Variants in MYO3B observed in about 807,000 individuals in gnomAD.
MYO3B encodes myosin-IIIb.
MYO3B carries 156 observed loss-of-function variants against 174.6 expected under a neutral mutation model. The ratio of observed to expected loss-of-function variants is 0.89; its 90% CI spans 0.78 to 1.02. MYO3B has a LOEUF of 1.02. Ranked by LOEUF, MYO3B falls within the 50% of genes least tolerant of loss-of-function variation. The pLI is 0.00. For synonymous variants in MYO3B, 563 were observed against 569.1 expected (o/e 0.99, Z 0.15); for missense variants, 1,632 against 1,639.4 (o/e 1.00, Z 0.08).
chr2:170,433,109 T>C (rs990945521), intron 22 of MYO3B, among the ~76,000 whole-genome samples: 4 of 152,196 alleles, frequency 2.6e-5, no homozygotes, highest in Admixed American at 6.5e-5. Context: ...TTTTTACATT[T>C]TATACCATAT....
In MYO3B at chr2:170,526,083, G is replaced by A. The variant is rs115310507; in HGVS notation, c.3575+6543G>A. Reference sequence around the variant, plus strand: ...AGATGTGGTAAACACTGTATGTATTGTCTCATTTGGGTAGAAAAATGATGA... The same window carrying A: ...AGATGTGGTAAACACTGTATGTATTATCTCATTTGGGTAGAAAAATGATGA... On this transcript the variant is annotated intron_variant, in intron 30 of 34. Coordinates refer to ENST00000408978, the MANE Select transcript of MYO3B (RefSeq NM_138995.5). Among the ~76,000 whole-genome samples, 1,411 of 152,248 alleles carry A rather than the reference G, an allele frequency of 9.3e-3. 30 individuals are homozygous for A. The highest frequency in any genetic ancestry group is 0.032 in the African/African-American group (1,330 of 41,522).
intron 7 of MYO3B, among the ~76,000 whole-genome samples, chr2:170,307,867 T>C (rs2093711579): frequency 6.6e-6 from 1 of 152,168 alleles, no homozygotes; most frequent in African/African-American, 2.4e-5. Context: ...AACTTCTGGG[T>C]TGTTGTCAGG....
rs760425796 is a variant in MYO3B, at chr2:170,651,750, C to T, written c.3840+16C>T. 5.0e-6 allele frequency: 8 copies of T among 1,601,040 alleles called. No individual in the cohort carries two copies. Among genetic ancestry groups the T allele is most frequent in the Non-Finnish European group, 6.8e-6 (8 of 1,168,242 alleles). On this transcript the variant is annotated intron_variant, in intron 33 of 34. Transcript: ENST00000408978. ...CCAGTTAAATGTGAGTTCAAAGTGG[C>T]CGTAAAGCTGTTTCACTGGCTTTGT...
chr2:170,369,566 A>G (rs2094224856), intron 9 of MYO3B, among the ~76,000 whole-genome samples, 189 bp downstream of exon 9: 1 of 152,140 alleles, frequency 6.6e-6, no homozygotes, highest in Admixed American at 6.5e-5. Flanking sequence ...CAAACTGCCC[A>G]TTTGTGCTCT....
rs1559318980 is a variant in MYO3B, at chr2:170,230,365, T to TTTTTTTGGA, written c.604-5626_604-5625insTTTTTTGGA. On this transcript the variant is annotated intron_variant, in intron 6 of 34. Coordinates refer to ENST00000408978, the MANE Select transcript of MYO3B (RefSeq NM_138995.5). ...TTTTTTTTTTTTTTTTTTTTTTTAGTAGAGACGGGGTTTCACCATGTTGGT... is the reference window on the plus strand; with the variant it reads ...TTTTTTTTTTTTTTTTTTTTTTTAGTTTTTTTGGAAGAGACGGGGTTTCACCATGTTGGT... Among the ~76,000 whole-genome samples, 8 of 140,768 alleles carry TTTTTTTGGA rather than the reference T, an allele frequency of 5.7e-5. 2 individuals carry two copies. The highest frequency in any genetic ancestry group is 2.3e-4 in the African/African-American group (8 of 34,522). The allele number at this position is 140,768 out of a possible 152,430, so 92.3% of individuals were successfully genotyped here.
chr2:170,364,375 A>G (rs1397218081), intron 8 of MYO3B, among the ~76,000 whole-genome samples: 5 of 152,194 alleles, frequency 3.3e-5, no homozygotes, highest in Admixed American at 3.3e-4. Flanking sequence ...AGAATCACCA[A>G]TGTTTTCCAA....
rs570270708 is a variant in MYO3B, at chr2:170,548,006, C to T, written c.3733+4018C>T. Among the ~76,000 whole-genome samples, 11 of 144,904 alleles carry T rather than the reference C, an allele frequency of 7.6e-5. No individual in the cohort carries two copies. The East Asian group carries it at 1.9e-3, about 24-fold the overall frequency. On this transcript the variant is annotated intron_variant, in intron 32 of 34. Coordinates refer to ENST00000408978, the MANE Select transcript of MYO3B (RefSeq NM_138995.5). ...CCTGTAGTCCCAGCTACTCGGAAGA[C>T]TGAGGCAGGAGAATGGTGTGAACCC...
intron 6 of MYO3B, among the ~76,000 whole-genome samples, chr2:170,227,995 T>C (rs1191898110): frequency 6.6e-6 from 1 of 152,092 alleles, no homozygotes. Flanking sequence ...TAACATACTC[T>C]GGTGGAAATG....
At chr2:170,494,953 A>T (rs542314428) in intron 25 of MYO3B, among the ~76,000 whole-genome samples, 1 of 152,072 alleles carries the variant, frequency 6.6e-6, no homozygotes, top group African/African-American at 2.4e-5. Flanking sequence ...ACCTGTGGAA[A>T]GTTAGGTACA....
chr2:170,433,602 G>GT (rs1472082795), intron 22 of MYO3B, among the ~76,000 whole-genome samples: 1 of 152,134 alleles, frequency 6.6e-6, no homozygotes, highest in Non-Finnish European at 1.5e-5. Context: ...ATGCAAAAGG[G>GT]TTTTTTGTGG....
At chr2:170,557,301 A>G (rs534923090) in intron 32 of MYO3B, among the ~76,000 whole-genome samples, 17 of 151,954 alleles carry the variant, frequency 1.1e-4, no homozygotes, top group South Asian at 2.1e-4. Context: ...CACCATGCCC[A>G]GCTAATTTCT....
chr2:170,522,231 C>T (rs987777173), intron 30 of MYO3B, among the ~76,000 whole-genome samples: 13 of 152,188 alleles, frequency 8.5e-5, no homozygotes, highest in Admixed American at 4.6e-4. Context: ...CTGAGCTCCA[C>T]ACTCCTACAC....
chr2:170,234,207 A>C lies in MYO3B; in HGVS notation c.604-1784A>C, dbSNP rs111828263. Among the ~76,000 whole-genome samples, 855 of 134,730 alleles carry C rather than the reference A, an allele frequency of 6.3e-3. 24 individuals are homozygous for C. Among genetic ancestry groups the C allele is most frequent in the African/African-American group, 0.03 (798 of 26,938 alleles). 88.4% of individuals were successfully genotyped at this position (134,730 alleles called of 152,430 possible). On this transcript the variant is annotated intron_variant, in intron 6 of 34. Transcript: ENST00000408978. Reference sequence around the variant, plus strand: ...AAAAAACAAAACAAAACAAAAAAAAAACACCTGTTTCTTAGTCTTAATCTG... The same window carrying C: ...AAAAAACAAAACAAAACAAAAAAAACACACCTGTTTCTTAGTCTTAATCTG...
At chr2:170,224,425 T>G (rs1355646907) in intron 6 of MYO3B, among the ~76,000 whole-genome samples, 3 of 152,182 alleles carry the variant, frequency 2.0e-5, no homozygotes, top group Non-Finnish European at 2.9e-5. Context: ...CTTTACAGTG[T>G]GTTCATATGG....
At chr2:170,431,181 C>A (rs1446706543) in intron 22 of MYO3B, among the ~76,000 whole-genome samples, 1 of 152,096 alleles carries the variant, frequency 6.6e-6, no homozygotes, top group Non-Finnish European at 1.5e-5. Flanking sequence ...GAACACACAT[C>A]AGGCCATGTG....
chr2:170,466,967 A>G (rs1684678487), intron 25 of MYO3B, among the ~76,000 whole-genome samples: 1 of 152,186 alleles, frequency 6.6e-6, no homozygotes, highest in African/African-American at 2.4e-5. Context: ...ATAAATCCTT[A>G]GGTCTCAAGT....
intron 25 of MYO3B, among the ~76,000 whole-genome samples, chr2:170,489,403 G>A (rs1313677683): frequency 6.6e-6 from 1 of 152,160 alleles, no homozygotes; most frequent in Non-Finnish European, 1.5e-5. Context: ...TCCCCAGTGT[G>A]CGGTGCAGAA....
At chr2:170,376,416 T>G (rs150489420) in intron 9 of MYO3B, among the ~76,000 whole-genome samples, 33 of 152,338 alleles carry the variant, frequency 2.2e-4, no homozygotes, top group African/African-American at 6.7e-4. Context: ...TCAACATCAC[T>G]GACCTTGGTG....
At chr2:170,547,146 C>T (rs1195188495) in intron 32 of MYO3B, among the ~76,000 whole-genome samples, 9 of 140,422 alleles carry the variant, frequency 6.4e-5, no homozygotes, top group Non-Finnish European at 7.8e-5. Context: ...AGTGAAACCC[C>T]GTCTCTACTA....
Sources: gnomAD v4.1 joint callset for allele counts (sites outside exome capture counted in the v4.1 genomes callset) on GRCh38, gnomAD v4.1.1 for gene constraint, MANE v1.5 for transcripts, NCBI Gene and HGNC (gene_info 2026-07-23, HGNC 2026-07-21) for gene names.